Variants in CADM2 observed in about 807,000 individuals in gnomAD.
CADM2 encodes the protein cell adhesion molecule 2, also known as immunoglobulin superfamily member 4D.
A neutral mutation model predicts 49.8 loss-of-function variants in CADM2; 12 were observed. The observed-to-expected ratio is 0.24, with a 90% CI of 0.15 to 0.39. The LOEUF is 0.39. CADM2 is among the 10% of genes least tolerant of loss of function. The probability of loss-of-function intolerance (pLI) is 1.00; values close to 1 mark genes in which losing one functional copy is unlikely to be tolerated. For missense variants in CADM2, 378 were observed against 492.3 expected (o/e 0.77, Z 2.20); for synonymous variants, 214 against 175.4 (o/e 1.22, Z -1.74).
At chr3:85,572,906 C>G (rs1242209053) in intron 1 of CADM2, among the ~76,000 whole-genome samples, 1 of 152,154 alleles carries the variant, frequency 6.6e-6, no homozygotes, top group Non-Finnish European at 1.5e-5. Flanking sequence ...CTCACAGACA[C>G]ACCCCAAAGT....
intron 1 of CADM2, among the ~76,000 whole-genome samples, chr3:85,632,052 T>G (rs1232091769): frequency 6.6e-6 from 1 of 152,134 alleles, no homozygotes; most frequent in Non-Finnish European, 1.5e-5. Context: ...TTTGGCTCTG[T>G]GTCCCACCCA....
chr3:85,301,978 C>A (rs983432448), intron 1 of CADM2, among the ~76,000 whole-genome samples: 1 of 151,914 alleles, frequency 6.6e-6, no homozygotes, highest in African/African-American at 2.4e-5. Flanking sequence ...TTGTAAAATC[C>A]TTGCTTCCTT....
intron 3 of CADM2, among the ~76,000 whole-genome samples, chr3:85,835,908 C>T (rs2074389993): frequency 6.6e-6 from 1 of 150,950 alleles, no homozygotes. Flanking sequence ...TTTATTTCTA[C>T]TGAAAGTCAC....
intron 1 of CADM2, among the ~76,000 whole-genome samples, chr3:85,582,980 A>T (rs1282452376): frequency 6.6e-6 from 1 of 152,154 alleles, no homozygotes; most frequent in Non-Finnish European, 1.5e-5. Context: ...AAAAGAAAAA[A>T]GGTGTTTAGG....
intron 2 of CADM2, among the ~76,000 whole-genome samples, chr3:85,754,853 T>C (rs1405038166): frequency 1.3e-5 from 2 of 152,216 alleles, no homozygotes; most frequent in East Asian, 1.9e-4. Context: ...CCATAGAGTA[T>C]TGACATTTTT....
At chr3:85,034,181 ACT>A (rs2035106324) in intron 1 of CADM2, among the ~76,000 whole-genome samples, 1 of 152,150 alleles carries the variant, frequency 6.6e-6, no homozygotes, top group African/African-American at 2.4e-5. Context: ...ATTATTGTCT[ACT>A]GTGTCACCCT....
At chr3:85,482,197 AT>A (rs1177030865) in intron 1 of CADM2, among the ~76,000 whole-genome samples, 1 of 151,520 alleles carries the variant, frequency 6.6e-6, no homozygotes, top group Admixed American at 6.6e-5. Flanking sequence ...GATATGGAAA[AT>A]TTTTCACAGG....
At chr3:85,998,142 TG>T (rs1377807033) in intron 8 of CADM2, among the ~76,000 whole-genome samples, 4 of 152,136 alleles carry the variant, frequency 2.6e-5, no homozygotes, top group Non-Finnish European at 5.9e-5. Context: ...ATTAAAATGC[TG>T]GGGTAGCAGG....
In CADM2 at chr3:86,073,578, T is replaced by C. The variant is rs1166349437; in HGVS notation, c.*6795T>C. 6.6e-6 allele frequency: 1 copy of C among 152,044 alleles called. No individual in the cohort carries two copies. The highest frequency in any genetic ancestry group is 1.5e-5 in the Non-Finnish European group (1 of 67,902). 9.4% of individuals were successfully genotyped at this position (152,044 alleles called of 1,614,324 possible). On this transcript the variant is annotated 3_prime_UTR_variant, in exon 10 of 10. Coordinates refer to ENST00000383699, the MANE Select transcript of CADM2 (RefSeq NM_001167675.2). ...CAGGGTTCCCATTTGCACTTCATCT[T>C]TCAGTAAAGTCTTGTCAGAAAAAAA...
At chr3:85,119,885 C>G (rs2038789525) in intron 1 of CADM2, among the ~76,000 whole-genome samples, 1 of 152,086 alleles carries the variant, frequency 6.6e-6, no homozygotes, top group Non-Finnish European at 1.5e-5. Flanking sequence ...AAACTAGCGT[C>G]AGAGTGAACA....
intron 1 of CADM2, among the ~76,000 whole-genome samples, chr3:85,552,976 C>A (rs1460572331): frequency 6.6e-6 from 1 of 152,092 alleles, no homozygotes; most frequent in African/African-American, 2.4e-5. Context: ...CAGTCCTGGC[C>A]TCTTAGTTTA....
At chr3:85,056,183 C>T (rs1157490571) in intron 1 of CADM2, among the ~76,000 whole-genome samples, 1 of 152,014 alleles carries the variant, frequency 6.6e-6, no homozygotes, top group Non-Finnish European at 1.5e-5. Context: ...GATGACTTCA[C>T]CTTTGCAAGG....
intron 8 of CADM2, among the ~76,000 whole-genome samples, chr3:86,061,270 C>T (rs934513589): frequency 1.3e-5 from 2 of 151,858 alleles, no homozygotes; most frequent in Non-Finnish European, 2.9e-5. Flanking sequence ...CAAAATTTTT[C>T]TGAACTTGAT....
rs1449975510 is a variant in CADM2 at position 85,392,742 on chromosome 3, GAGC to G, written c.62-333779_62-333777del. 5.6e-3 allele frequency among the ~76,000 whole-genome samples: 846 copies of G among 152,146 alleles called. 29 individuals are homozygous for G. The highest frequency in any genetic ancestry group is 0.049 in the Admixed American group (742 of 15,282). ...TTTATGGACAGCTTGATTTTGTAATGAGCTTAATAAACTTAGAAAATCCATTTA... is the reference window on the plus strand; with the variant it reads ...TTTATGGACAGCTTGATTTTGTAATGTTAATAAACTTAGAAAATCCATTTA... On this transcript the variant is annotated intron_variant, in intron 1 of 9. Coordinates refer to ENST00000383699, the MANE Select transcript of CADM2 (RefSeq NM_001167675.2).
chr3:85,122,164 C>T (rs1337751940), intron 1 of CADM2, among the ~76,000 whole-genome samples: 4 of 152,090 alleles, frequency 2.6e-5, no homozygotes, highest in Non-Finnish European at 5.9e-5. Context: ...AGCTCCTCCT[C>T]AAATAAAAAG....
At chr3:85,205,984 A>G (rs973508034) in intron 1 of CADM2, among the ~76,000 whole-genome samples, 1 of 152,180 alleles carries the variant, frequency 6.6e-6, no homozygotes, top group South Asian at 2.1e-4. Context: ...TACAACAACA[A>G]CAAAATACTT....
chr3:85,582,850 G>A (rs1485689449), intron 1 of CADM2, among the ~76,000 whole-genome samples: 2 of 152,146 alleles, frequency 1.3e-5, no homozygotes, highest in Admixed American at 1.3e-4. Flanking sequence ...TGAAATGGGT[G>A]AGTAGAATCT....
intron 3 of CADM2, among the ~76,000 whole-genome samples, chr3:85,853,964 G>C (rs990818750): frequency 6.6e-6 from 1 of 152,126 alleles, no homozygotes; most frequent in African/African-American, 2.4e-5. Context: ...TGAGCTTTGT[G>C]GTGATGTAAT....
At chr3:85,365,963 T>G (rs910405507) in intron 1 of CADM2, among the ~76,000 whole-genome samples, 23 of 152,174 alleles carry the variant, frequency 1.5e-4, no homozygotes, top group African/African-American at 5.5e-4. Context: ...TGCTGTCTGA[T>G]TGTCATTTAG....
Sources: gnomAD v4.1 joint callset for allele counts (sites outside exome capture counted in the v4.1 genomes callset) on GRCh38, gnomAD v4.1.1 for gene constraint, MANE v1.5 for transcripts, NCBI Gene and HGNC (gene_info 2026-07-23, HGNC 2026-07-21) for gene names.